CENPP: variants seen among roughly 807,000 people sequenced by gnomAD.
CENPP encodes the protein centromere protein P.
In CENPP, 24 loss-of-function variants were observed where a neutral mutation model predicts 35.6. The observed-to-expected ratio is 0.67, with a 90% CI of 0.49 to 0.95. CENPP has a LOEUF of 0.95. CENPP is among the 40% of genes least tolerant of loss of function. CENPP has a pLI of 0.00. For synonymous variants in CENPP, 120 were observed against 125.5 expected, an observed-to-expected ratio of 0.96 and a Z score of 0.29; for missense variants, 332 against 345.3, an observed-to-expected ratio of 0.96 and a Z score of 0.31.
At chr9:92,485,647 C>T (rs1187680128) in intron 5 of CENPP, among the ~76,000 whole-genome samples, 2 of 152,160 alleles carry the variant, frequency 1.3e-5, no homozygotes, top group African/African-American at 4.8e-5. Context: ...CAAATAAGAA[C>T]AGGGGAGGAC....
At chr9:92,397,625 C>T (rs983990481) in intron 5 of CENPP, among the ~76,000 whole-genome samples, 6 of 152,194 alleles carry the variant, frequency 3.9e-5, no homozygotes, top group Non-Finnish European at 5.9e-5. Flanking sequence ...CCACCACACC[C>T]GGCCAGCATT....
intron 5 of CENPP, among the ~76,000 whole-genome samples, chr9:92,440,089 G>T (rs1249525926): frequency 2.6e-5 from 4 of 152,128 alleles, no homozygotes; most frequent in Non-Finnish European, 4.4e-5. Flanking sequence ...GTGCTGTCCA[G>T]CTCTGTCTAG....
chr9:92,567,389 T>TATATATATATATATATATATATATAG (rs1564005567), intron 5 of CENPP, among the ~76,000 whole-genome samples: 5 of 98,040 alleles, frequency 5.1e-5, no homozygotes, highest in Non-Finnish European at 8.1e-5. Context: ...TATATATATA[T>TATATATATATATATATATATATATAG]ATATATAGAT....
intron 5 of CENPP, among the ~76,000 whole-genome samples, chr9:92,539,990 C>T (rs2131307097): frequency 6.6e-6 from 1 of 152,240 alleles, no homozygotes; most frequent in African/African-American, 2.4e-5. Flanking sequence ...TATAAAATGC[C>T]CATTTCCCTG....
chr9:92,370,490 T>G (rs1033217889), intron 4 of CENPP, among the ~76,000 whole-genome samples: 1 of 152,142 alleles, frequency 6.6e-6, no homozygotes, highest in African/African-American at 2.4e-5. Flanking sequence ...TTTTTGTTGT[T>G]TTTTTGAGAT....
intron 5 of CENPP, among the ~76,000 whole-genome samples, chr9:92,409,527 A>G (rs1277128239): frequency 1.9e-4 from 29 of 152,222 alleles, no homozygotes; most frequent in Admixed American, 1.9e-3. Flanking sequence ...GAAAATGTGT[A>G]GTGTTTCAGG....
chr9:92,573,429 G>T (rs545281740), intron 5 of CENPP, among the ~76,000 whole-genome samples: 1 of 152,326 alleles, frequency 6.6e-6, no homozygotes, highest in African/African-American at 2.4e-5. Flanking sequence ...TTGCAGAAGG[G>T]CAAATGTTGC....
intron 5 of CENPP, among the ~76,000 whole-genome samples, chr9:92,438,624 A>T (rs1844304198): frequency 6.6e-6 from 1 of 152,212 alleles, no homozygotes; most frequent in Non-Finnish European, 1.5e-5. Flanking sequence ...TTTCATAATG[A>T]TTGAGTGCTT....
chr9:92,579,465 C>T lies in CENPP; in HGVS notation c.565-31849C>T, dbSNP rs1371077670. Among the ~76,000 whole-genome samples the T allele has an allele frequency of 8.6e-5, 13 of 150,900 alleles. 1 individual carries two copies. On this transcript the variant is annotated intron_variant, in intron 5 of 7. Coordinates refer to ENST00000375587, the MANE Select transcript of CENPP (RefSeq NM_001012267.3). The stretch of plus-strand genomic sequence containing the variant: ...ATGTTCTTCCATTTGTTTGTATCCT[C>T]TTTTATTTCGTTGAGCAGTGGTTTG...
At chr9:92,352,323 T>C (rs1443363791) in intron 4 of CENPP, among the ~76,000 whole-genome samples, 1 of 149,946 alleles carries the variant, frequency 6.7e-6, no homozygotes, top group East Asian at 2.0e-4. Context: ...TGAACCAAGA[T>C]TGTGCCACTG....
intron 5 of CENPP, chr9:92,466,368 T>TA: frequency 1.3e-6 from 2 of 1,598,874 alleles, no homozygotes; most frequent in Non-Finnish European, 1.7e-6. Context: ...CCAAAACGTG[T>TA]AAAGCATTCA....
At chr9:92,370,183 T>G (rs1178840750) in intron 4 of CENPP, among the ~76,000 whole-genome samples, 19 of 152,208 alleles carry the variant, frequency 1.2e-4, no homozygotes. Context: ...CATGGTATAT[T>G]ATCTTTCTCA....
chr9:92,420,294 T>C (rs1337487226), intron 5 of CENPP, among the ~76,000 whole-genome samples: 1 of 152,198 alleles, frequency 6.6e-6, no homozygotes, highest in African/African-American at 2.4e-5. Context: ...CCTCCCAACA[T>C]TGTCAGTTCC....
chr9:92,566,909 C>T (rs1222017479), intron 5 of CENPP, among the ~76,000 whole-genome samples: 3 of 152,146 alleles, frequency 2.0e-5, no homozygotes, highest in African/African-American at 4.8e-5. Context: ...CAAAGATACA[C>T]CTGTGCAAAA....
intron 5 of CENPP, among the ~76,000 whole-genome samples, chr9:92,541,593 G>A (rs559570512): frequency 6.6e-6 from 1 of 151,626 alleles, no homozygotes; most frequent in Admixed American, 6.6e-5. Context: ...GTCTTTCTGT[G>A]CCTGGCTTAT....
At chr9:92,380,485 G>C (rs943859967) in intron 5 of CENPP, among the ~76,000 whole-genome samples, 1 of 144,438 alleles carries the variant, frequency 6.9e-6, no homozygotes, top group Non-Finnish European at 1.6e-5. Context: ...ATATTTCAGG[G>C]TTCAGATTCT....
At chr9:92,354,815 A>G (rs999286184) in intron 4 of CENPP, among the ~76,000 whole-genome samples, 1 of 152,172 alleles carries the variant, frequency 6.6e-6, no homozygotes, top group Non-Finnish European at 1.5e-5. Flanking sequence ...AAATAAAGAG[A>G]AAGAGTAAAA....
chr9:92,336,398 C>T (rs1464465687), intron 2 of CENPP, among the ~76,000 whole-genome samples: 1 of 152,122 alleles, frequency 6.6e-6, no homozygotes, highest in Non-Finnish European at 1.5e-5. Context: ...ACTCATAATA[C>T]CCGTCTCGTA....
chr9:92,470,841 T>C lies in CENPP; in HGVS notation c.564+90982T>C, dbSNP rs572896765. 8.4e-5 allele frequency: 84 copies of C among 1,004,872 alleles called. No individual in the cohort carries two copies. In the African/African-American group the frequency reaches 1.1e-3, roughly 14 times the overall value. The allele number at this position is 1,004,872 out of a possible 1,614,324, so 62.2% of individuals were successfully genotyped here. On this transcript the variant is annotated intron_variant, in intron 5 of 7. Coordinates refer to ENST00000375587, the MANE Select transcript of CENPP (RefSeq NM_001012267.3). ...ATCATGCTGAAGATGAGATTACTAA[T>C]ATGGTAGAAATATACATTTTTTAAA...
Sources: allele counts gnomAD v4.1 joint callset (sites outside exome capture counted in the v4.1 genomes callset), GRCh38; gene constraint gnomAD v4.1.1; transcripts MANE v1.5; gene names NCBI Gene and HGNC (gene_info 2026-07-23, HGNC 2026-07-21).